LETM1: variants seen among roughly 807,000 people sequenced by gnomAD.
LETM1 encodes the protein leucine zipper and EF-hand containing transmembrane protein 1.
LETM1 carries 50 observed loss-of-function variants against 74.5 expected under a neutral mutation model. The observed-to-expected ratio is 0.67, with a 90% CI of 0.53 to 0.85. The LOEUF is 0.85. LETM1 is among the 40% of genes least tolerant of loss of function. The probability of loss-of-function intolerance (pLI) is 0.00; values close to 1 mark genes in which losing one functional copy is unlikely to be tolerated. For synonymous variants in LETM1, 446 were observed against 407.1 expected (o/e 1.10, Z -1.15); for missense variants, 824 against 967.8 (o/e 0.85, Z 1.97).
chr4:1,840,484 G>A (rs1244660422), intron 3 of LETM1, among the ~76,000 whole-genome samples: 3 of 151,942 alleles, frequency 2.0e-5, no homozygotes, highest in East Asian at 3.9e-4. Context: ...TGGCTAACAC[G>A]GTGAAACCCC....
chr4:1,854,524 T>TG (rs1335867274), intron 1 of LETM1, among the ~76,000 whole-genome samples: 1 of 147,326 alleles, frequency 6.8e-6, no homozygotes, highest in African/African-American at 2.5e-5. Context: ...CCGGGCGCGG[T>TG]GGCTCACGCC....
At chr4:1,823,860 T>C (rs546379008) in intron 7 of LETM1, 85 bp from the exon 8 acceptor site, 2 of 1,424,018 alleles carry the variant, frequency 1.4e-6, no homozygotes, top group East Asian at 2.3e-5. Context: ...ATCACCAGAA[T>C]AGCTCTCAGA....
chr4:1,829,177 C>T (rs1347581025), intron 6 of LETM1, among the ~76,000 whole-genome samples: 33 of 143,692 alleles, frequency 2.3e-4, no homozygotes, highest in Non-Finnish European at 3.2e-4. Context: ...GCTGACCCCC[C>T]CCCCACCTCC....
intron 11 of LETM1, 131 bp downstream of exon 11, chr4:1,819,207 G>T: frequency 2.3e-6 from 2 of 886,612 alleles, no homozygotes; most frequent in Non-Finnish European, 3.4e-6. Flanking sequence ...TTTATAACGT[G>T]CTTTCCTCTC....
chr4:1,833,190 G>C (rs1013574235), intron 5 of LETM1: 18 of 509,878 alleles, frequency 3.5e-5, no homozygotes, highest in Non-Finnish European at 5.7e-5. Context: ...TCCTGCCTTA[G>C]CCTCCCGAGT....
intron 6 of LETM1, among the ~76,000 whole-genome samples, chr4:1,826,046 G>A (rs1711975376): frequency 6.6e-6 from 1 of 152,166 alleles, no homozygotes; most frequent in Non-Finnish European, 1.5e-5. Flanking sequence ...TGGAAGGCGA[G>A]GGAACCAGAC....
chr4:1,854,426 G>A (rs190279666), intron 1 of LETM1, among the ~76,000 whole-genome samples: 55 of 150,500 alleles, frequency 3.7e-4, no homozygotes, highest in African/African-American at 1.3e-3. Flanking sequence ...GTTGCAGTGA[G>A]CCGAGATCAT....
rs188836163 is a variant in LETM1, at chr4:1,843,703, C to T, written c.144-1906G>A. On this transcript the variant is annotated intron_variant, in intron 2 of 13. Transcript: ENST00000302787. ...CAGGCACCCCACCTCGGTCACCTCC[C>T]CAATCCCTGTGAGGGCAGCTTCAGA... Among the ~76,000 whole-genome samples, 11 of 152,320 alleles carry T rather than the reference C, an allele frequency of 7.2e-5. No homozygotes were observed. The East Asian group carries it at 2.1e-3, about 29-fold the overall frequency.
At chr4:1,825,488 G>C in intron 7 of LETM1, 76 bp downstream of exon 7, 1 of 1,541,378 alleles carries the variant, frequency 6.5e-7, no homozygotes, top group Non-Finnish European at 8.8e-7. Flanking sequence ...TTTGGGAAGA[G>C]CCTCCGAGTG....
chr4:1,828,606 G>C (rs1712116557), intron 6 of LETM1, among the ~76,000 whole-genome samples: 1 of 120,704 alleles, frequency 8.3e-6, no homozygotes, highest in Non-Finnish European at 1.7e-5. Context: ...GGGCAGAGGG[G>C]CTCCTCACTT....
At chr4:1,845,835 C>T (rs1369223157) in intron 2 of LETM1, among the ~76,000 whole-genome samples, 1 of 151,652 alleles carries the variant, frequency 6.6e-6, no homozygotes, top group Non-Finnish European at 1.5e-5. Flanking sequence ...TGAGCCGCTG[C>T]ACCTTGCCTC....
intron 6 of LETM1, among the ~76,000 whole-genome samples, chr4:1,829,166 G>T (rs1712158652): frequency 7.0e-6 from 1 of 142,986 alleles, no homozygotes; most frequent in African/African-American, 2.7e-5. Context: ...CGGGCAGGGG[G>T]GCTGACCCCC....
At chr4:1,819,736 A>C (rs1023857717) in intron 10 of LETM1, among the ~76,000 whole-genome samples, 2 of 152,178 alleles carry the variant, frequency 1.3e-5, no homozygotes, top group African/African-American at 4.8e-5. Context: ...GTGAAACTTC[A>C]CTACAGTCAA....
chr4:1,841,826 G>T, intron 2 of LETM1, 29 bp from the exon 3 acceptor site: 1 of 1,537,902 alleles, frequency 6.5e-7, no homozygotes, highest in Non-Finnish European at 8.9e-7. Flanking sequence ...GAAAACAGTA[G>T]TAAGAGCCAG....
intron 11 of LETM1, 86 bp downstream of exon 11, chr4:1,819,252 C>T (rs951694074): frequency 4.0e-5 from 54 of 1,338,884 alleles, no homozygotes; most frequent in African/African-American, 3.7e-4. Flanking sequence ...AAGTATCTGA[C>T]GGAAGTATTA....
At position 1,816,761 on chromosome 4, in the gene LETM1, C is replaced by A. The variant is rs1711583230; in HGVS notation, c.1897G>T (p.Gly633Cys). 1 of 1,614,064 alleles carries A rather than the reference C, an allele frequency of 6.2e-7. No individual in the cohort carries two copies. Among genetic ancestry groups the A allele is most frequent in the Non-Finnish European group, 8.5e-7 (1 of 1,180,012 alleles). Reference protein sequence around the residue: ...ISQLEMDQQAGKLAPANGMPT... With the variant: ...ISQLEMDQQACKLAPANGMPT... ...ATGCCGTTGGCCGGGGCCAGCTTGCCAGCCTGCTGGTCCATCTCCAGCTGC... is the reference window on the plus strand; with the variant it reads ...ATGCCGTTGGCCGGGGCCAGCTTGCAAGCCTGCTGGTCCATCTCCAGCTGC... The change falls in exon 12 of 14, where the codon GGC (glycine) becomes TGC (cysteine). Residue 633 changes from glycine to cysteine, a missense_variant. Physicochemically the swap from Gly to Cys is radical, Grantham distance 159. Around this residue, in one of 4 missense-constraint regions of LETM1, gnomAD observed 161 missense variants for 252.7 expected, o/e 0.64. Transcript: ENST00000302787.
In LETM1 at chr4:1,816,776, T is replaced by C; in HGVS notation, c.1882A>G (p.Met628Val). The C allele has an allele frequency of 6.2e-7, 1 of 1,614,214 alleles. No homozygotes were observed. ...QIDGLISQLE[M>V]DQQAGKLAPA... ...GCCAGCTTGCCAGCCTGCTGGTCCA[T>C]CTCCAGCTGCGAGATCAAGCCATCG... Residue 628 changes from methionine (M) to valine (V), a missense_variant, in exon 12 of 14, where the codon ATG becomes GTG. Transcript: ENST00000302787.
intron 2 of LETM1, among the ~76,000 whole-genome samples, chr4:1,848,752 G>A (rs1055218267): frequency 6.8e-5 from 10 of 146,078 alleles, no homozygotes; most frequent in African/African-American, 2.3e-4. Context: ...AAAAAAAGTC[G>A]CAGTTTCCAA....
intron 5 of LETM1, chr4:1,833,938 C>T (rs1056413880): frequency 6.6e-6 from 1 of 152,368 alleles, no homozygotes; most frequent in Non-Finnish European, 1.5e-5. Context: ...CCCTCCTGCT[C>T]TGCAAGGCAC....
Sources: gnomAD v4.1 joint callset for allele counts (sites outside exome capture counted in the v4.1 genomes callset) on GRCh38, gnomAD v4.1.1 for gene constraint, gnomAD v4.1.1 regional missense constraint, MANE v1.5 for transcripts, NCBI Gene and HGNC (gene_info 2026-07-23, HGNC 2026-07-21) for gene names.